The following SVOPL variants were observed in gnomAD, a reference collection of about 807,000 sequenced individuals.
The protein encoded by SVOPL is SVOP like, also known as putative transporter SVOPL.
SVOPL carries 60 observed loss-of-function variants against 61.0 expected under a neutral mutation model. The observed-to-expected ratio is 0.98, with a 90% confidence interval of 0.80 to 1.22. SVOPL has a LOEUF of 1.22. Ranked by LOEUF, SVOPL falls within the 50% of genes most tolerant of loss-of-function variation. SVOPL has a pLI of 0.00. For missense variants in SVOPL, 662 were observed against 643.9 expected (o/e 1.03, Z -0.30); for synonymous variants, 279 against 250.0 (o/e 1.12, Z -1.09).
rs1018395255 is a variant in SVOPL, at chr7:138,621,252, A to G, written c.1264-117T>C. The G allele has an allele frequency of 8.5e-6, 6 of 701,886 alleles. No individual in the cohort carries two copies. In the East Asian group the frequency reaches 1.9e-4, roughly 22 times the overall value. 43.5% of individuals were successfully genotyped at this position (701,886 alleles called of 1,614,324 possible). ...AATGCATAGAGCACCAAACACAGTTACAGAATATGGAATAGAAGGTGTTGA... is the reference window on the plus strand; with the variant it reads ...AATGCATAGAGCACCAAACACAGTTGCAGAATATGGAATAGAAGGTGTTGA... On this transcript the variant is annotated intron_variant, in intron 13 of 15. Coordinates refer to ENST00000674285, the MANE Select transcript of SVOPL (RefSeq NM_001139456.2).
intron 5 of SVOPL, chr7:138,662,523 G>A: frequency 1.0e-6 from 1 of 985,714 alleles, no homozygotes; most frequent in Non-Finnish European, 1.2e-6. Context: ...TGTTGCAGCA[G>A]TGGACTAGTC....
chr7:138,656,211 G>T lies in SVOPL; in HGVS notation c.534+237C>A, dbSNP rs139273086. On this transcript the variant is annotated intron_variant, in intron 7 of 15. Transcript: ENST00000674285. ...AGCAATCAAGTATTTTAAAATTAAGGTGTGTACATTGCTTTTTAGGCATGA... is the reference window on the plus strand; with the variant it reads ...AGCAATCAAGTATTTTAAAATTAAGTTGTGTACATTGCTTTTTAGGCATGA... 9.8e-4 allele frequency among the ~76,000 whole-genome samples: 149 copies of T among 152,206 alleles called. 1 individual carries two copies. The highest frequency in any genetic ancestry group is 3.4e-3 in the African/African-American group (143 of 41,518).
chr7:138,611,888 G>T (rs1265510271), intron 14 of SVOPL, among the ~76,000 whole-genome samples: 1 of 70,286 alleles, frequency 1.4e-5, no homozygotes, highest in African/African-American at 5.1e-5. Context: ...ACCCCGTCTG[G>T]GAGGTGTGCC....
At chr7:138,671,879 C>G (rs1802426694) in intron 4 of SVOPL, 140 bp downstream of exon 4, 1 of 684,918 alleles carries the variant, frequency 1.5e-6, no homozygotes, top group East Asian at 2.7e-5. Flanking sequence ...ACGAAGACAT[C>G]AAATGCTGCA....
chr7:138,604,682 A>T (rs1351137826), intron 14 of SVOPL, among the ~76,000 whole-genome samples: 73 of 149,896 alleles, frequency 4.9e-4, no homozygotes, highest in African/African-American at 1.7e-3. Context: ...TATCTCAAAA[A>T]AAAAAAAAAA....
chr7:138,684,794 CAG>C (rs1371749460), intron 1 of SVOPL, among the ~76,000 whole-genome samples: 1 of 152,206 alleles, frequency 6.6e-6, no homozygotes, highest in Non-Finnish European at 1.5e-5. Context: ...TCAGTTATCT[CAG>C]AGAGATATCT....
chr7:138,655,346 A>G (rs1205986602), intron 7 of SVOPL, among the ~76,000 whole-genome samples: 1 of 152,052 alleles, frequency 6.6e-6, no homozygotes, highest in Non-Finnish European at 1.5e-5. Flanking sequence ...TCTACCAAAA[A>G]TATAAAAAAT....
At chr7:138,617,229 C>T (rs1799343474) in intron 14 of SVOPL, among the ~76,000 whole-genome samples, 1 of 152,192 alleles carries the variant, frequency 6.6e-6, no homozygotes, top group East Asian at 1.9e-4. Flanking sequence ...CTTGGCCTCC[C>T]AAAGTGCTGG....
At chr7:138,595,053 G>A (rs1261511787) in intron 15 of SVOPL, among the ~76,000 whole-genome samples, 4 of 151,952 alleles carry the variant, frequency 2.6e-5, no homozygotes, top group African/African-American at 9.7e-5. Context: ...ACTGTACCTG[G>A]CCAATATTCT....
At chr7:138,685,538 A>G (rs1802788777) in intron 1 of SVOPL, among the ~76,000 whole-genome samples, 2 of 152,184 alleles carry the variant, frequency 1.3e-5, no homozygotes, top group Non-Finnish European at 2.9e-5. Flanking sequence ...GCCTATAGTT[A>G]ACAATATGGT....
At chr7:138,642,059 A>T (rs1475813324) in intron 9 of SVOPL, among the ~76,000 whole-genome samples, 1 of 151,052 alleles carries the variant, frequency 6.6e-6, no homozygotes, top group African/African-American at 2.4e-5. Flanking sequence ...ATTCCAAATA[A>T]CAACATCCTC....
intron 1 of SVOPL, among the ~76,000 whole-genome samples, chr7:138,697,710 A>AGAAGAG (rs774070084): frequency 7.1e-6 from 1 of 140,198 alleles, no homozygotes; most frequent in East Asian, 2.6e-4. Flanking sequence ...AAGAAGGATA[A>AGAAGAG]GAAGAGGAAG....
At chr7:138,652,827 T>C (rs1470942022) in intron 7 of SVOPL, among the ~76,000 whole-genome samples, 2 of 152,132 alleles carry the variant, frequency 1.3e-5, no homozygotes, top group Non-Finnish European at 2.9e-5. Context: ...GGTTTCACCA[T>C]GTTAGCCAGG....
chr7:138,695,732 G>C (rs6944016), intron 1 of SVOPL, among the ~76,000 whole-genome samples: 2 of 151,712 alleles, frequency 1.3e-5, no homozygotes, highest in African/African-American at 4.8e-5. Flanking sequence ...TAGGTTTCTC[G>C]GTTCTCTTTT....
intron 3 of SVOPL, among the ~76,000 whole-genome samples, chr7:138,674,184 T>C (rs1405600766): frequency 7.2e-6 from 1 of 138,830 alleles, no homozygotes; most frequent in Non-Finnish European, 1.5e-5. Context: ...CAAGACTTCG[T>C]CTCCCAGAAA....
chr7:138,601,841 T>C (rs763409048), intron 14 of SVOPL, among the ~76,000 whole-genome samples: 45 of 151,930 alleles, frequency 3.0e-4, no homozygotes, highest in Non-Finnish European at 5.9e-4. Context: ...GTCTCTGCCC[T>C]ATTGTAGAAG....
intron 1 of SVOPL, among the ~76,000 whole-genome samples, chr7:138,700,178 G>T (rs1584875856): frequency 6.6e-6 from 1 of 152,086 alleles, no homozygotes; most frequent in Non-Finnish European, 1.5e-5. Context: ...GTAGTCTCTA[G>T]AGTTTCAGCC....
At chr7:138,617,360 T>G (rs1799347949) in intron 14 of SVOPL, among the ~76,000 whole-genome samples, 1 of 152,164 alleles carries the variant, frequency 6.6e-6, no homozygotes. Context: ...TTAGTTTAAC[T>G]GGTTTAACAG....
At chr7:138,599,887 C>CAAA (rs11379417) in intron 14 of SVOPL, among the ~76,000 whole-genome samples, 38 of 108,942 alleles carry the variant, frequency 3.5e-4, no homozygotes, top group African/African-American at 1.2e-3. Context: ...GACTCCGTCT[C>CAAA]AAAAAAAAAA....
Sources: allele counts gnomAD v4.1 joint callset (sites outside exome capture counted in the v4.1 genomes callset), GRCh38; gene constraint gnomAD v4.1.1; transcripts MANE v1.5; gene names NCBI Gene and HGNC (gene_info 2026-07-23, HGNC 2026-07-21).